Variants in SLC14A1 observed in about 807,000 individuals in gnomAD.
SLC14A1 encodes the protein urea transporter 1.
A neutral mutation model predicts 39.6 loss-of-function variants in SLC14A1; 36 were observed. That is an observed-to-expected ratio of 0.91 (90% CI 0.70 to 1.20). The LOEUF (loss-of-function observed/expected upper bound fraction) is 1.20, where lower values mean the gene tolerates loss of function less well. Ranked by LOEUF, SLC14A1 falls within the 50% of genes most tolerant of loss-of-function variation. SLC14A1 has a pLI of 0.00. For synonymous variants in SLC14A1, 164 were observed against 173.6 expected, an observed-to-expected ratio of 0.94 and a Z score of 0.43; for missense variants, 469 against 478.7, an observed-to-expected ratio of 0.98 and a Z score of 0.19.
chr18:45,731,911 A>G lies in SLC14A1; in HGVS notation c.341+707A>G, dbSNP rs1171451904. ...CAATCCCCAGTGTGGTCATTACACA[A>G]CTAAGCTCTTGTAACACTGGCTGCA... On this transcript the variant is annotated intron_variant, in intron 4 of 9. Coordinates refer to ENST00000321925, the MANE Select transcript of SLC14A1 (RefSeq NM_015865.7). Among the ~76,000 whole-genome samples the G allele has an allele frequency of 1.1e-4, 16 of 152,236 alleles. No individual in the cohort carries two copies. In the East Asian group the frequency reaches 3.1e-3, roughly 29 times the overall value.
rs568210106 is a variant in SLC14A1, at chr18:45,750,855, C to T, written c.*904C>T. On this transcript the variant is annotated 3_prime_UTR_variant, in exon 10 of 10. Transcript: ENST00000321925. ...CACAAATGCATAGAATTGTTACCAA[C>T]CTCCAAAGGGCTCTTTAAAATCATA... 6 of 985,210 alleles carry T rather than the reference C, an allele frequency of 6.1e-6. No individual in the cohort carries two copies. The highest frequency in any genetic ancestry group is 2.3e-4 in the East Asian group (2 of 8,804). 61.0% of individuals were successfully genotyped at this position (985,210 alleles called of 1,614,324 possible). A position where few individuals can be genotyped will look rare whatever the true frequency, so the allele number is the denominator to read the frequency against.
At chr18:45,741,083 G>A (rs1034160541) in intron 8 of SLC14A1, 1 of 152,206 alleles carries the variant, frequency 6.6e-6, no homozygotes, top group African/African-American at 2.4e-5. Flanking sequence ...TCCACCCCCG[G>A]AACCCACACT....
chr18:45,737,986 A>G (rs1568039247), intron 6 of SLC14A1, among the ~76,000 whole-genome samples: 1 of 152,216 alleles, frequency 6.6e-6, no homozygotes, highest in African/African-American at 2.4e-5. Context: ...GCCAAGTCCA[A>G]AAACAAACAA....
chr18:45,741,463 G>A (rs1468307859), intron 8 of SLC14A1, among the ~76,000 whole-genome samples: 14 of 152,266 alleles, frequency 9.2e-5, no homozygotes, highest in Admixed American at 8.5e-4. Context: ...GAAAACAGTG[G>A]GCCATGTATC....
chr18:45,742,847 C>G (rs1174089087), intron 8 of SLC14A1, among the ~76,000 whole-genome samples: 2 of 151,696 alleles, frequency 1.3e-5, no homozygotes, highest in Non-Finnish European at 2.9e-5. Context: ...CCATGCCCAG[C>G]TAATTTTTTT....
chr18:45,738,357 T>C (rs1400465780), intron 6 of SLC14A1, among the ~76,000 whole-genome samples: 1 of 152,208 alleles, frequency 6.6e-6, no homozygotes, highest in South Asian at 2.1e-4. Context: ...ATTATGCCTA[T>C]CCTAGCCCTA....
intron 6 of SLC14A1, among the ~76,000 whole-genome samples, chr18:45,738,157 C>T (rs896591826): frequency 3.9e-5 from 6 of 152,220 alleles, no homozygotes; most frequent in Non-Finnish European, 7.3e-5. Flanking sequence ...CAATGTTAGA[C>T]TCAGCCTAAT....
rs1298818854 is a variant in SLC14A1 at position 45,739,643 on chromosome 18, C to A, written c.927C>A (p.His309Gln). The A allele has an allele frequency of 1.2e-6, 2 of 1,614,196 alleles. No homozygotes were observed. Among genetic ancestry groups the A allele is most frequent in the South Asian group, 2.2e-5 (2 of 91,080 alleles). ...GMFMALTWQT[H>Q]LLALGCALFT... ...TCATGGCGCTCACCTGGCAAACCCACCTCCTGGCTCTTGGCTGTGGTGAGT... is the reference window on the plus strand; with the variant it reads ...TCATGGCGCTCACCTGGCAAACCCAACTCCTGGCTCTTGGCTGTGGTGAGT... The change falls in exon 8 of 10, where the codon CAC becomes CAA. Residue 309 changes from histidine (H) to glutamine (Q), a missense_variant. Transcript: ENST00000321925.
chr18:45,750,074 A>T lies in SLC14A1; in HGVS notation c.*123A>T, dbSNP rs1017939839. On this transcript the variant is annotated 3_prime_UTR_variant, in exon 10 of 10. Coordinates refer to ENST00000321925, the MANE Select transcript of SLC14A1 (RefSeq NM_015865.7). ...TCAACTTTCATACTGACGCGTCTGT[A>T]ATCTGTTCTTATGCTCATTTTGTAT... is the stretch of plus-strand genomic sequence containing the variant. 1 of 1,595,962 alleles carries T rather than the reference A, an allele frequency of 6.3e-7. No homozygotes were observed. Among genetic ancestry groups the T allele is most frequent in the Non-Finnish European group, 8.5e-7 (1 of 1,176,038 alleles).
chr18:45,734,723 T>G (rs1205606812), intron 5 of SLC14A1, among the ~76,000 whole-genome samples: 4 of 152,002 alleles, frequency 2.6e-5, no homozygotes. Context: ...TCTCCGAACC[T>G]CCTTGCTTGG....
Position 45,731,142 on chromosome 18 carries a change from T to C in SLC14A1, c.279T>C (p.Ala93=), listed in dbSNP as rs1391927371. 1 of 1,614,184 alleles carries C rather than the reference T, an allele frequency of 6.2e-7. No individual in the cohort carries two copies. The highest frequency in any genetic ancestry group is 1.1e-5 in the South Asian group (1 of 91,080). Residue 93 remains alanine, a synonymous_variant, in exon 4 of 10, where the codon GCT becomes GCC. Coordinates refer to ENST00000321925, the MANE Select transcript of SLC14A1 (RefSeq NM_015865.7). ...TTCTTGTTCAGAACCCCTGGTGGGC[T>C]CTCACTGGCTGGCTGGGAACAGTGG... ...VGLLVQNPWW[A]LTGWLGTVVS... is the part of the protein sequence containing the mutation.
chr18:45,742,353 GT>G (rs34628652), intron 8 of SLC14A1, among the ~76,000 whole-genome samples: 2,828 of 117,920 alleles, frequency 0.024, 15 homozygotes, highest in Non-Finnish European at 0.032. Context: ...TTGTTTTTTG[GT>G]TTTTTTTTTT....
chr18:45,726,861 T>G, intron 2 of SLC14A1: 1 of 170,414 alleles, frequency 5.9e-6, no homozygotes. Flanking sequence ...GTCCCCAAGA[T>G]GCAGCCCTCA....
At chr18:45,734,537 T>A in intron 5 of SLC14A1, 135 bp downstream of exon 5, 1 of 949,002 alleles carries the variant, frequency 1.1e-6, no homozygotes, top group Admixed American at 2.0e-5. Flanking sequence ...GTGGTGATGG[T>A]TGTACAACAA....
At chr18:45,746,102 A>G (rs1167860234) in intron 8 of SLC14A1, among the ~76,000 whole-genome samples, 1 of 152,170 alleles carries the variant, frequency 6.6e-6, no homozygotes, top group Non-Finnish European at 1.5e-5. Flanking sequence ...GAACATCTCA[A>G]TGTTGTTGTT....
intron 3 of SLC14A1, among the ~76,000 whole-genome samples, chr18:45,730,789 G>C (rs1222146495): frequency 3.3e-5 from 5 of 152,136 alleles, no homozygotes; most frequent in Non-Finnish European, 7.3e-5. Flanking sequence ...ATGCTTTCAG[G>C]AGCTTAGATT....
chr18:45,747,770 G>A (rs1409487094), intron 8 of SLC14A1, among the ~76,000 whole-genome samples: 1 of 152,184 alleles, frequency 6.6e-6, no homozygotes, highest in African/African-American at 2.4e-5. Context: ...TTATCAAGGG[G>A]AGGAATCTCA....
intron 8 of SLC14A1, among the ~76,000 whole-genome samples, chr18:45,746,928 T>C (rs2047560686): frequency 6.6e-6 from 1 of 152,208 alleles, no homozygotes; most frequent in Non-Finnish European, 1.5e-5. Flanking sequence ...CCAGTACTGT[T>C]TCCAAAGACC....
chr18:45,726,887 C>A (rs542395588), intron 2 of SLC14A1: 31 of 183,144 alleles, frequency 1.7e-4, no homozygotes, highest in Non-Finnish European at 2.9e-4. Flanking sequence ...TGCCCCCAAA[C>A]GTGTCAGAAC....
Sources: allele counts gnomAD v4.1 joint callset (sites outside exome capture counted in the v4.1 genomes callset), GRCh38; gene constraint gnomAD v4.1.1; transcripts MANE v1.5; gene names NCBI Gene and HGNC (gene_info 2026-07-23, HGNC 2026-07-21).